PIGG: variants seen among roughly 807,000 people sequenced by gnomAD.
The protein encoded by PIGG is phosphatidylinositol glycan anchor biosynthesis class G (EMM blood group), also known as GPI ethanolamine phosphate transferase 2, catalytic subunit.
A neutral mutation model predicts 83.2 loss-of-function variants in PIGG; 70 were observed. The ratio of observed to expected loss-of-function variants is 0.84; its 90% CI spans 0.69 to 1.03. PIGG has a LOEUF of 1.03. Ranked by LOEUF, PIGG falls within the 50% of genes least tolerant of loss-of-function variation. The pLI is 0.00. For missense variants in PIGG, 1,257 were observed against 1,233.6 expected, an observed-to-expected ratio of 1.02 and a Z score of -0.28; for synonymous variants, 532 against 519.5, an observed-to-expected ratio of 1.02 and a Z score of -0.33.
At position 530,584 on chromosome 4, in the gene PIGG, C is replaced by T; in HGVS notation, c.2410C>T (p.Leu804=). ...GGAGATATATAGTGGATTAGTTCTT[C>T]TGGCAGCCTTGCTCTTTAGACCACA... The part of the protein sequence containing the change: ...LWEIYSGLVL[L]AALLFRPHNL... The change falls in exon 11 of 13, where the codon CTG becomes TTG. Residue 804 remains leucine, a synonymous_variant. Coordinates refer to ENST00000453061, the MANE Select transcript of PIGG (RefSeq NM_001127178.3). The T allele has an allele frequency of 6.2e-7, 1 of 1,614,018 alleles. No individual in the cohort carries two copies. The highest frequency in any genetic ancestry group is 8.5e-7 in the Non-Finnish European group (1 of 1,179,884).
intron 6 of PIGG, 59 bp from the exon 7 acceptor site, chr4:520,997 A>G (rs975585317): frequency 8.6e-7 from 1 of 1,156,366 alleles, no homozygotes; most frequent in East Asian, 2.3e-5. Flanking sequence ...GAGATTATGT[A>G]TATAAATGTA....
rs779821566 is a variant in PIGG, at chr4:533,823, C to G, written c.2577C>G (p.Asn859Lys). Residue 859 changes from asparagine to lysine, a missense_variant, in exon 12 of 13, where the codon AAC becomes AAG. By Grantham distance (94) the Asn-to-Lys change is moderately conservative (BLOSUM62 0). Coordinates refer to ENST00000453061, the MANE Select transcript of PIGG (RefSeq NM_001127178.3). ...GCTCTTCTCCTGTATTCCAGGGCAA[C>G]TCCAACAACATTGCCACCGTGGACA... ...FGQAFFYFQG[N>K]SNNIATVDIS... is the part of the protein sequence containing the mutation. The G allele has an allele frequency of 6.2e-7, 1 of 1,614,084 alleles. No individual in the cohort carries two copies. The highest frequency in any genetic ancestry group is 1.1e-5 in the South Asian group (1 of 91,086).
At chr4:520,910 G>T in intron 6 of PIGG, 146 bp from the exon 7 acceptor site, 1 of 641,418 alleles carries the variant, frequency 1.6e-6, no homozygotes, top group Non-Finnish European at 2.8e-6. Flanking sequence ...CCCACCCAAA[G>T]GAATGATTGA....
chr4:528,854 C>A lies in PIGG; in HGVS notation c.2262-1582C>A. On this transcript the variant is annotated intron_variant, in intron 10 of 12. Coordinates refer to ENST00000453061, the MANE Select transcript of PIGG (RefSeq NM_001127178.3). This position sits in a 1 kb window ranked among gnomAD's most constrained non-coding sequence, Gnocchi z 4.8. ...GTGCCTTTTCTTTCCACACGCACTGCCTGGTTCACCTTCTTCCTGTAAAGT... is the reference window on the plus strand; with the variant it reads ...GTGCCTTTTCTTTCCACACGCACTGACTGGTTCACCTTCTTCCTGTAAAGT... 1 of 344,680 alleles carries A rather than the reference C, an allele frequency of 2.9e-6. No homozygotes were observed. 21.4% of individuals were successfully genotyped at this position (344,680 alleles called of 1,614,324 possible). A position where few individuals can be genotyped will look rare whatever the true frequency, so the allele number is the denominator to read the frequency against.
At chr4:508,206 G>A (rs1215230663) in intron 4 of PIGG, among the ~76,000 whole-genome samples, 4 of 152,332 alleles carry the variant, frequency 2.6e-5, no homozygotes, top group Admixed American at 1.3e-4. Flanking sequence ...AGGAGGAGGG[G>A]CTTTCAACAG....
chr4:538,060 C>G (rs1731127684), intron 12 of PIGG, among the ~76,000 whole-genome samples: 1 of 131,360 alleles, frequency 7.6e-6, no homozygotes, highest in Non-Finnish European at 1.6e-5. Context: ...GACCCACACA[C>G]CCACACACAC....
chr4:511,138 A>G (rs1721774444), intron 5 of PIGG, among the ~76,000 whole-genome samples: 1 of 152,100 alleles, frequency 6.6e-6, no homozygotes, highest in Non-Finnish European at 1.5e-5. Context: ...TACTAAAAAT[A>G]CAAAATTGGC....
In PIGG at chr4:530,523, T is replaced by C. The variant is rs1179068856; in HGVS notation, c.2349T>C (p.Ile783=). 6.2e-7 allele frequency: 1 copy of C among 1,613,008 alleles called. No individual in the cohort carries two copies. The highest frequency in any genetic ancestry group is 2.2e-5 in the East Asian group (1 of 44,884). The change falls in exon 11 of 13, where the codon ATT becomes ATC. Residue 783 remains isoleucine (I), a synonymous_variant. Transcript: ENST00000453061. ...GTKDLLKSQV[I]AADFKLKTVG... ...AAGACTTACTTAAATCTCAAGTCAT[T>C]GCTGCAGACTTCAAACTCAAGACTG...
intron 12 of PIGG, among the ~76,000 whole-genome samples, chr4:535,111 C>A (rs1263519073): frequency 2.6e-5 from 4 of 152,254 alleles, no homozygotes; most frequent in African/African-American, 9.6e-5. Context: ...AGCCTCAGTG[C>A]CTGGCCTGGC....
At chr4:533,733 C>T (rs1457773847) in intron 11 of PIGG, 85 bp from the exon 12 acceptor site, 19 of 1,323,204 alleles carry the variant, frequency 1.4e-5, no homozygotes, top group East Asian at 1.2e-4. Context: ...ACACAGTTCA[C>T]GCTAACATCG....
chr4:499,694 C>G, intron 1 of PIGG: 1 of 1,397,844 alleles, frequency 7.2e-7, no homozygotes, highest in Middle Eastern at 2.6e-4. Flanking sequence ...TCTACTGGCC[C>G]CACTTCGACC....
intron 8 of PIGG, 113 bp from the exon 9 acceptor site, chr4:523,346 G>A: frequency 1.3e-6 from 1 of 793,548 alleles, no homozygotes; most frequent in Non-Finnish European, 2.1e-6. Context: ...CTGGGTGTGA[G>A]GAACAATGGT....
intron 10 of PIGG, chr4:527,672 T>C: frequency 2.0e-6 from 2 of 988,466 alleles, no homozygotes; most frequent in Non-Finnish European, 2.4e-6. Context: ...TGAAGCTTGC[T>C]GGAAAATCAG....
rs192047092 is a variant in PIGG, at chr4:516,006, C to G, written c.935C>G (p.Thr312Arg). ...CGACATCCAAAGCACGTCCAACAGA[C>G]GGATGTGGCTGCGACACTGGCGATA... ...DIRHPKHVQQ[T>R]DVAATLAIAL... The change falls in exon 6 of 13, where the codon ACG becomes AGG. Residue 312 changes from threonine (T) to arginine (R), a missense_variant. Physicochemically the swap from Thr to Arg is moderately conservative, Grantham distance 71. Coordinates refer to ENST00000453061, the MANE Select transcript of PIGG (RefSeq NM_001127178.3). The G allele has an allele frequency of 1.2e-6, 2 of 1,614,012 alleles. No homozygotes were observed. Among genetic ancestry groups the G allele is most frequent in the African/African-American group, 2.7e-5 (2 of 74,934 alleles).
intron 6 of PIGG, among the ~76,000 whole-genome samples, chr4:519,215 C>T (rs928971657): frequency 1.4e-4 from 21 of 152,162 alleles, no homozygotes; most frequent in Admixed American, 3.9e-4. Context: ...CGCTTGTGTG[C>T]GTGCGTGCGT....
chr4:513,050 G>A lies in PIGG; in HGVS notation c.902-2923G>A, dbSNP rs1240036973. Among the ~76,000 whole-genome samples the A allele has an allele frequency of 3.3e-5, 5 of 152,300 alleles. No individual in the cohort carries two copies. The East Asian group carries it at 9.7e-4, about 29-fold the overall frequency. ...TTCTGCCCCACTGGGCTAGGAGGGG[G>A]AGGGAGGGAGCAGGCCACGGTTCAA... On this transcript the variant is annotated intron_variant, in intron 5 of 12. Coordinates refer to ENST00000453061, the MANE Select transcript of PIGG (RefSeq NM_001127178.3).
chr4:515,821 G>A lies in PIGG; in HGVS notation c.902-152G>A. On this transcript the variant is annotated intron_variant, in intron 5 of 12. Coordinates refer to ENST00000453061, the MANE Select transcript of PIGG (RefSeq NM_001127178.3). This position sits in a 1 kb window ranked among gnomAD's most constrained non-coding sequence, Gnocchi z 4.2. ...GGTTCGGTAACTATCAACACAGCAA[G>A]CACAGGAGGTGATTCCTGTACGATT... is the stretch of plus-strand genomic sequence containing the variant. The A allele has an allele frequency of 3.1e-6, 2 of 654,952 alleles. No individual in the cohort carries two copies. Among genetic ancestry groups the A allele is most frequent in the South Asian group, 1.8e-5 (1 of 55,026 alleles). 40.6% of individuals were successfully genotyped at this position (654,952 alleles called of 1,614,324 possible). A position where few individuals can be genotyped will look rare whatever the true frequency, so the allele number is the denominator to read the frequency against.
intron 7 of PIGG, among the ~76,000 whole-genome samples, 176 bp from the exon 8 acceptor site, chr4:521,484 T>TA (rs903040683): frequency 4.6e-5 from 7 of 151,772 alleles, no homozygotes; most frequent in East Asian, 1.9e-4. Context: ...CTGCAGGTGA[T>TA]AAAAAAAAAT....
intron 10 of PIGG, among the ~76,000 whole-genome samples, 157 bp from the exon 11 acceptor site, chr4:530,279 A>G (rs921349582): frequency 2.0e-5 from 3 of 152,134 alleles, no homozygotes; most frequent in African/African-American, 7.2e-5. Context: ...CTGCCATGAC[A>G]GGACCTGGGG....
Sources: allele counts gnomAD v4.1 joint callset (sites outside exome capture counted in the v4.1 genomes callset), GRCh38; gene constraint gnomAD v4.1.1; non-coding constraint Gnocchi (gnomAD v3.1); transcripts MANE v1.5; gene names NCBI Gene and HGNC (gene_info 2026-07-23, HGNC 2026-07-21).